SAXO1: variants seen among roughly 807,000 people sequenced by gnomAD.
The protein encoded by SAXO1 is 4930500O09Rik.
A neutral mutation model predicts 17.5 loss-of-function variants in SAXO1; 21 were observed. The observed-to-expected ratio is 1.20, with a 90% confidence interval of 0.85 to 1.72. The LOEUF (loss-of-function observed/expected upper bound fraction) is 1.72, where lower values mean the gene tolerates loss of function less well. SAXO1 is among the 40% of genes most tolerant of loss of function. The pLI is 0.00. For synonymous variants in SAXO1, 274 were observed against 216.5 expected (o/e 1.27, Z -2.33); for missense variants, 843 against 596.0 (o/e 1.41, Z -4.32).
rs187460848 is a variant in SAXO1, at chr9:19,014,880, G to A, written c.38+17991C>T. ...CTTCCTGCCGGGGTTAGGAAGTCAA[G>A]ACCAATAAACAAGACCAGTGAAGAG... is the stretch of plus-strand genomic sequence containing the variant. On this transcript the variant is annotated intron_variant, in intron 1 of 3. Transcript: ENST00000380534. Among the ~76,000 whole-genome samples, 457 of 152,248 alleles carry A rather than the reference G, an allele frequency of 3.0e-3. 2 individuals are homozygous for A. Among genetic ancestry groups the A allele is most frequent in the Admixed American group, 8.4e-3 (128 of 15,288 alleles).
At chr9:19,038,607 T>A (rs1172796807) in intron 1 of SAXO1, among the ~76,000 whole-genome samples, 2 of 77,144 alleles carry the variant, frequency 2.6e-5, no homozygotes, top group East Asian at 1.0e-3. Context: ...GGGACTGTTG[T>A]GGGGTGGGGG....
At chr9:19,038,609 G>C (rs960998061) in intron 1 of SAXO1, among the ~76,000 whole-genome samples, 6 of 119,440 alleles carry the variant, frequency 5.0e-5, no homozygotes, top group Admixed American at 2.9e-4. Context: ...GACTGTTGTG[G>C]GGTGGGGGGA....
intron 1 of SAXO1, among the ~76,000 whole-genome samples, chr9:19,031,130 T>C (rs1244251264): frequency 3.2e-4 from 49 of 152,262 alleles, no homozygotes; most frequent in Non-Finnish European, 1.5e-5. Flanking sequence ...CTTCTCACTA[T>C]ATATGCTCTG....
intron 3 of SAXO1, among the ~76,000 whole-genome samples, chr9:18,936,382 G>C (rs1831292144): frequency 6.6e-6 from 1 of 152,046 alleles, no homozygotes; most frequent in South Asian, 2.1e-4. Flanking sequence ...CAGACTCCTG[G>C]CCTTGCTGAA....
intron 1 of SAXO1, among the ~76,000 whole-genome samples, chr9:18,970,959 C>CA (rs1024514717): frequency 6.6e-6 from 1 of 152,136 alleles, no homozygotes; most frequent in Non-Finnish European, 1.5e-5. Flanking sequence ...GTTAAGGTTT[C>CA]AGGAGTCTTT....
intron 1 of SAXO1, among the ~76,000 whole-genome samples, chr9:19,023,559 C>T (rs1031706578): frequency 6.6e-6 from 1 of 152,164 alleles, no homozygotes; most frequent in Non-Finnish European, 1.5e-5. Context: ...GATAGGCTGG[C>T]TCCACAGTCT....
At position 19,028,968 on chromosome 9, in the gene SAXO1, C is replaced by G. The variant is rs1292629718; in HGVS notation, c.38+3903G>C. ...TAAAAATAAAATAAAATCCAGAACT[C>G]CAAAGGTTTTGCTTTTCCATTCAGG... is the stretch of plus-strand genomic sequence containing the variant. On this transcript the variant is annotated intron_variant, in intron 1 of 3. Coordinates refer to ENST00000380534, the MANE Select transcript of SAXO1 (RefSeq NM_153707.4). 2.0e-5 allele frequency among the ~76,000 whole-genome samples: 3 copies of G among 152,142 alleles called. No homozygotes were observed. In the East Asian group the frequency reaches 5.8e-4, roughly 29 times the overall value.
At chr9:18,992,541 A>G (rs1833853577) in intron 1 of SAXO1, among the ~76,000 whole-genome samples, 1 of 152,126 alleles carries the variant, frequency 6.6e-6, no homozygotes, top group Non-Finnish European at 1.5e-5. Flanking sequence ...AGGACTTCAA[A>G]ATCTTTTGAG....
chr9:18,978,301 C>G (rs1482068899), intron 1 of SAXO1, among the ~76,000 whole-genome samples: 1 of 152,132 alleles, frequency 6.6e-6, no homozygotes, highest in African/African-American at 2.4e-5. Context: ...TCCCAAAGCT[C>G]AACCTTTCAC....
intron 1 of SAXO1, among the ~76,000 whole-genome samples, chr9:18,975,030 G>T (rs1335867015): frequency 6.6e-6 from 1 of 152,152 alleles, no homozygotes; most frequent in Non-Finnish European, 1.5e-5. Flanking sequence ...GACTGTGTAG[G>T]GTATGGCTAA....
intron 1 of SAXO1, among the ~76,000 whole-genome samples, chr9:18,952,952 G>A (rs7045059): frequency 0.55 from 83,413 of 152,072 alleles, 26,422 homozygotes; most frequent in Non-Finnish European, 0.71. Flanking sequence ...GAGACAAATT[G>A]TTATGTTTGC....
chr9:18,997,227 G>A (rs7024697), intron 1 of SAXO1, among the ~76,000 whole-genome samples: 79,485 of 152,110 alleles, frequency 0.52, 22,120 homozygotes, highest in Non-Finnish European at 0.63. Flanking sequence ...TGGAGGAACC[G>A]TACACTCCTG....
intron 1 of SAXO1, among the ~76,000 whole-genome samples, chr9:18,972,707 C>G (rs7023999): frequency 0.18 from 27,573 of 152,120 alleles, 5,233 homozygotes; most frequent in African/African-American, 0.48. Flanking sequence ...AGAAGCCCAG[C>G]GTACCAACAG....
At chr9:19,000,083 C>G (rs1834191105) in intron 1 of SAXO1, among the ~76,000 whole-genome samples, 3 of 149,136 alleles carry the variant, frequency 2.0e-5, no homozygotes, top group African/African-American at 7.5e-5. Context: ...AGTGCCTCTA[C>G]CCAGCCGCCC....
At position 18,929,044 on chromosome 9, in the gene SAXO1, G is replaced by T; in HGVS notation, c.433C>A (p.Pro145Thr). ...CLPTYKADYL[P>T]WNQPRREPLR... ...GGCTCTCGCCTTGGTTGGTTCCAAG[G>T]CAAATAATCAGCTGAAATTAAAGCA... Residue 145 changes from proline (P) to threonine (T), a missense_variant, in exon 4 of 4, where the codon CCT becomes ACT. Transcript: ENST00000380534. 6.2e-7 allele frequency: 1 copy of T among 1,613,616 alleles called. No homozygotes were observed. Among genetic ancestry groups the T allele is most frequent in the Non-Finnish European group, 8.5e-7 (1 of 1,179,804 alleles).
intron 1 of SAXO1, among the ~76,000 whole-genome samples, chr9:18,967,891 A>G (rs1030496651): frequency 6.6e-6 from 1 of 152,160 alleles, no homozygotes; most frequent in Non-Finnish European, 1.5e-5. Context: ...CACACAAGGG[A>G]ATCTCCTGGT....
intron 3 of SAXO1, among the ~76,000 whole-genome samples, chr9:18,934,718 C>T (rs1004500803): frequency 6.6e-6 from 1 of 152,156 alleles, no homozygotes; most frequent in Non-Finnish European, 1.5e-5. Context: ...GGTCATACTT[C>T]CCTTTTTCAC....
At chr9:19,045,883 C>T (rs1196456899) in intron 1 of SAXO1, among the ~76,000 whole-genome samples, 2 of 152,072 alleles carry the variant, frequency 1.3e-5, no homozygotes, top group African/African-American at 4.8e-5. Context: ...CTTTTACTGC[C>T]GGGCGCGGTG....
chr9:18,978,007 A>C (rs1588470126), intron 1 of SAXO1, among the ~76,000 whole-genome samples: 1 of 13,584 alleles, frequency 7.4e-5, no homozygotes, highest in Non-Finnish European at 3.6e-4. Context: ...AAAAAAAAAA[A>C]AAAAAAAAAA....
Sources: gnomAD v4.1 joint callset for allele counts (sites outside exome capture counted in the v4.1 genomes callset) on GRCh38, gnomAD v4.1.1 for gene constraint, MANE v1.5 for transcripts, NCBI Gene and HGNC (gene_info 2026-07-23, HGNC 2026-07-21) for gene names.